Variants in IAH1 observed in about 807,000 individuals in gnomAD.
The protein encoded by IAH1 is isoamyl acetate-hydrolyzing esterase 1 homolog.
IAH1 carries 24 observed loss-of-function variants against 26.7 expected under a neutral mutation model. The ratio of observed to expected loss-of-function variants is 0.90; its 90% confidence interval spans 0.65 to 1.26. IAH1 has a LOEUF of 1.26. IAH1 is among the 50% of genes most tolerant of loss of function. The pLI, the probability that IAH1 is intolerant of heterozygous loss-of-function variation, is 0.00. For missense variants in IAH1, 300 were observed against 299.9 expected (o/e 1.00, Z 0.00); for synonymous variants, 140 against 118.5 (o/e 1.18, Z -1.18).
chr2:9,478,422 A>G, intron 3 of IAH1, 52 bp downstream of exon 3: 1 of 1,487,176 alleles, frequency 6.7e-7, no homozygotes, highest in Non-Finnish European at 9.1e-7. Context: ...TTTTTATGTT[A>G]CAGCAAACTT....
chr2:9,495,720 A>AAT (rs1454485207), intron 6 of IAH1, among the ~76,000 whole-genome samples: 1 of 151,800 alleles, frequency 6.6e-6, no homozygotes, highest in South Asian at 2.1e-4. Context: ...TCAAAAAAAA[A>AAT]AAAAGAAAAC....
At position 9,484,478 on chromosome 2, in the gene IAH1, T is replaced by G. The variant is rs772085125; in HGVS notation, c.492T>G (p.Asn164Lys). The G allele has an allele frequency of 6.2e-7, 1 of 1,614,232 alleles. No homozygotes were observed. The highest frequency in any genetic ancestry group is 1.7e-5 in the Admixed American group (1 of 60,020). ...ACTCTGTTGTTGGTGAATATGCCAATGCGTGTTTACAAGTGGCCCAAGACT... is the reference window on the plus strand; with the variant it reads ...ACTCTGTTGTTGGTGAATATGCCAAGGCGTGTTTACAAGTGGCCCAAGACT... ...RLNSVVGEYA[N>K]ACLQVAQDCG... The change falls in exon 5 of 6, where the codon AAT becomes AAG. Residue 164 changes from asparagine (N) to lysine (K), a missense_variant. Coordinates refer to ENST00000497473, the MANE Select transcript of IAH1 (RefSeq NM_001039613.3).
exon 6 of IAH1, chr2:9,489,725 C>CAAAAAAAAAAAA (rs548548539): frequency 2.6e-5 from 2 of 78,332 alleles, no homozygotes; most frequent in Non-Finnish European, 4.7e-5. Flanking sequence ...TAGTTGAAGG[C>CAAAAAAAAAAAA]AAAAAAAAAA....
chr2:9,509,007 G>C, the IAH1 span, among the ~76,000 whole-genome samples: 1 of 151,868 alleles, frequency 6.6e-6, no homozygotes, highest in Non-Finnish European at 1.5e-5. Context: ...AAAATGAGAT[G>C]CAACAATCAA....
At chr2:9,480,231 ATATGT>A (rs1195137177) in intron 3 of IAH1, among the ~76,000 whole-genome samples, 4 of 152,132 alleles carry the variant, frequency 2.6e-5, no homozygotes, top group Non-Finnish European at 4.4e-5. Context: ...AAAGCTCATA[ATATGT>A]TATGTGAGCC....
chr2:9,500,829 AATTGACCGAAC>A (rs1348230415), downstream of IAH1, among the ~76,000 whole-genome samples: 1 of 152,222 alleles, frequency 6.6e-6, no homozygotes, highest in Non-Finnish European at 1.5e-5. Flanking sequence ...TTAAAGCAAC[AATTGACCGAAC>A]AAAAGATACT....
intron 4 of IAH1, among the ~76,000 whole-genome samples, chr2:9,481,832 A>G (rs1661192708): frequency 6.6e-6 from 1 of 152,108 alleles, no homozygotes; most frequent in East Asian, 1.9e-4. Flanking sequence ...TTACTGGTCC[A>G]CAGAAGCTGG....
chr2:9,478,439 AAT>A, intron 3 of IAH1, 69 bp downstream of exon 3: 2 of 1,420,174 alleles, frequency 1.4e-6, no homozygotes, highest in South Asian at 2.8e-5. Context: ...ACTTGCATTT[AAT>A]ATACTTTTTT....
At position 9,474,600 on chromosome 2, in the gene IAH1, G is replaced by A. The variant is rs774953158; in HGVS notation, c.34G>A (p.Ala12Thr). The part of the protein sequence containing the change: ...ALCEAAGCGS[A>T]LLWPRLLLFG... ...GTGCGAGGCCGCGGGCTGCGGGAGT[G>A]CCCTGCTCTGGCCTCGCTTGTTGCT... Residue 12 changes from alanine (A) to threonine (T), a missense_variant, in exon 1 of 6, where the codon GCC (alanine) becomes ACC (threonine). Ala to Thr is a moderately conservative substitution (Grantham distance 58). Transcript: ENST00000497473. The surrounding 1 kb of genome is among the most constrained non-coding windows in gnomAD (Gnocchi z 4.3). 5.2e-6 allele frequency: 8 copies of A among 1,549,878 alleles called. No individual in the cohort carries two copies. The highest frequency in any genetic ancestry group is 5.2e-5 in the East Asian group (2 of 38,164).
the IAH1 span, among the ~76,000 whole-genome samples, chr2:9,510,346 C>G: frequency 1.3e-5 from 2 of 152,096 alleles, no homozygotes; most frequent in Non-Finnish European, 1.5e-5. Context: ...CAGGGAGACC[C>G]TATCTCTACA....
chr2:9,500,997 C>T (rs1044924407), downstream of IAH1, among the ~76,000 whole-genome samples: 2 of 152,174 alleles, frequency 1.3e-5, no homozygotes, highest in Non-Finnish European at 2.9e-5. Flanking sequence ...AATACACACA[C>T]ACAACAAAAT....
At chr2:9,492,988 T>C (rs1450714758), downstream of IAH1, 1 of 1,608,116 alleles carries the variant, frequency 6.2e-7, no homozygotes, top group South Asian at 1.1e-5. Context: ...AAAACTTTCC[T>C]GTGAACAATT....
chr2:9,505,088 C>G, the IAH1 span: 11 of 1,463,844 alleles, frequency 7.5e-6, no homozygotes, highest in Non-Finnish European at 1.0e-5. Flanking sequence ...TTCTAAAGCC[C>G]CTGCAAGTTC....
At chr2:9,493,908 A>T, downstream of IAH1, 1 of 1,163,644 alleles carries the variant, frequency 8.6e-7, no homozygotes, top group South Asian at 1.4e-5. Flanking sequence ...AATAACTGAC[A>T]TGTAAAGGGC....
chr2:9,487,831 T>TGCGC (rs1228516853), intron 5 of IAH1, among the ~76,000 whole-genome samples: 25 of 80,230 alleles, frequency 3.1e-4, no homozygotes, highest in East Asian at 1.3e-3. Flanking sequence ...TGTGTGTGTG[T>TGCGC]GTGCGCGCGC....
chr2:9,485,411 T>TG (rs1288404824), intron 5 of IAH1: 1 of 152,470 alleles, frequency 6.6e-6, no homozygotes, highest in Admixed American at 6.5e-5. Flanking sequence ...CCCATCACTT[T>TG]GGGAGGCCAA....
At chr2:9,492,182 GAA>G (rs990715532), downstream of IAH1, among the ~76,000 whole-genome samples, 1 of 152,222 alleles carries the variant, frequency 6.6e-6, no homozygotes, top group South Asian at 2.1e-4. Context: ...AGGCCACTAT[GAA>G]AGAGTTTGGG....
upstream of IAH1, chr2:9,474,541 C>CCCGCCCCGCCCCGCCCGGCTGCT (rs1682357520): frequency 3.6e-6 from 5 of 1,387,644 alleles, no homozygotes; most frequent in East Asian, 3.0e-5. This position sits in a 1 kb window ranked among gnomAD's most constrained non-coding sequence, Gnocchi z 4.3. Flanking sequence ...GGCTGGCGGC[C>CCCGCCCCGCCCCGCCCGGCTGCT]CCGCCCCGCC....
chr2:9,505,443 A>G, the IAH1 span: 1 of 1,421,638 alleles, frequency 7.0e-7, no homozygotes, highest in Non-Finnish European at 9.8e-7. Flanking sequence ...TGTCTTCTCT[A>G]GAGACAAACT....
Sources: allele counts gnomAD v4.1 joint callset (sites outside exome capture counted in the v4.1 genomes callset), GRCh38; gene constraint gnomAD v4.1.1; non-coding constraint Gnocchi (gnomAD v3.1); transcripts MANE v1.5; gene names NCBI Gene and HGNC (gene_info 2026-07-23, HGNC 2026-07-21).